The following CTNNA3 variants were observed in gnomAD, a reference collection of about 807,000 sequenced individuals.
CTNNA3 encodes the protein catenin alpha 3.
Under a neutral mutation model 95.7 loss-of-function variants are expected in CTNNA3, and 76 were observed. The observed-to-expected ratio is 0.79, with a 90% CI of 0.66 to 0.96. CTNNA3 has a LOEUF of 0.96. CTNNA3 is among the 40% of genes least tolerant of loss of function. The pLI is 0.00. For synonymous variants in CTNNA3, 431 were observed against 374.4 expected (o/e 1.15, Z -1.74); for missense variants, 1,191 against 1,089.8 (o/e 1.09, Z -1.31).
intron 7 of CTNNA3, among the ~76,000 whole-genome samples, chr10:66,840,323 A>ATCTCTCTCTCTCTCTCTC (rs71035189): frequency 4.4e-5 from 4 of 90,670 alleles, no homozygotes; most frequent in East Asian, 6.0e-4. Context: ...CCAAGAAGCC[A>ATCTCTCTCTCTCTCTCTC]TCTCTCTCTC....
chr10:67,418,220 A>G (rs1268050124), intron 5 of CTNNA3, among the ~76,000 whole-genome samples: 7 of 152,310 alleles, frequency 4.6e-5, no homozygotes, highest in South Asian at 2.1e-4. Flanking sequence ...CATATGGAAA[A>G]GTTTCAAACT....
At chr10:66,827,085 C>A (rs1028759196) in intron 7 of CTNNA3, among the ~76,000 whole-genome samples, 2 of 152,162 alleles carry the variant, frequency 1.3e-5, no homozygotes, top group Non-Finnish European at 2.9e-5. Context: ...TAAGAGACCA[C>A]AACCTCAGAA....
chr10:67,266,516 G>T (rs1336068032), intron 5 of CTNNA3, among the ~76,000 whole-genome samples: 1 of 152,054 alleles, frequency 6.6e-6, no homozygotes, highest in Non-Finnish European at 1.5e-5. Context: ...TCTAGAATAT[G>T]ATATAATCTA....
At chr10:67,145,479 G>T (rs1860796634) in intron 7 of CTNNA3, among the ~76,000 whole-genome samples, 1 of 149,766 alleles carries the variant, frequency 6.7e-6, no homozygotes, top group Non-Finnish European at 1.5e-5. Flanking sequence ...CACCCAGGCT[G>T]AAGTGCAGTG....
At chr10:67,199,029 GT>G (rs1163754333) in intron 6 of CTNNA3, among the ~76,000 whole-genome samples, 1 of 151,540 alleles carries the variant, frequency 6.6e-6, no homozygotes, top group African/African-American at 2.4e-5. Flanking sequence ...GGAGGGAGAT[GT>G]AAAAAAAATA....
intron 10 of CTNNA3, among the ~76,000 whole-genome samples, chr10:66,535,283 C>T (rs1192810023): frequency 6.6e-6 from 1 of 152,106 alleles, no homozygotes; most frequent in East Asian, 1.9e-4. Context: ...CACAGATCTG[C>T]AATTTGTAAT....
At chr10:66,688,963 CAAAA>C (rs58515946) in intron 9 of CTNNA3, among the ~76,000 whole-genome samples, 4 of 86,878 alleles carry the variant, frequency 4.6e-5, no homozygotes, top group Admixed American at 1.3e-4. Context: ...GACTCCATCT[CAAAA>C]AAAAAAAAAA....
intron 5 of CTNNA3, among the ~76,000 whole-genome samples, chr10:67,428,224 G>A (rs1469158566): frequency 6.6e-6 from 1 of 151,938 alleles, no homozygotes; most frequent in Non-Finnish European, 1.5e-5. Flanking sequence ...GGCATCCTAG[G>A]TAAGTATGAT....
At chr10:67,687,712 G>A (rs1169824367) in intron 1 of CTNNA3, among the ~76,000 whole-genome samples, 1 of 152,174 alleles carries the variant, frequency 6.6e-6, no homozygotes, top group Non-Finnish European at 1.5e-5. Flanking sequence ...TGACCCTCGA[G>A]TGGGTCGGGT....
At chr10:66,589,826 C>A (rs887960099) in intron 10 of CTNNA3, among the ~76,000 whole-genome samples, 2 of 152,062 alleles carry the variant, frequency 1.3e-5, no homozygotes, top group Non-Finnish European at 2.9e-5. Flanking sequence ...AAAGGAAGGA[C>A]CATCCCACAC....
chr10:66,549,885 C>T (rs1396096362), intron 10 of CTNNA3, among the ~76,000 whole-genome samples: 3 of 152,034 alleles, frequency 2.0e-5, no homozygotes, highest in Admixed American at 6.5e-5. Context: ...TATGGCCTGG[C>T]ATAGGATCTA....
At chr10:66,231,180 G>A (rs898368092) in intron 13 of CTNNA3, among the ~76,000 whole-genome samples, 3 of 152,146 alleles carry the variant, frequency 2.0e-5, no homozygotes, top group African/African-American at 2.4e-5. Context: ...TAGTAGGAGT[G>A]TGAGTATTCA....
intron 1 of CTNNA3, among the ~76,000 whole-genome samples, chr10:67,732,563 T>C (rs1841281730): frequency 6.6e-6 from 1 of 152,198 alleles, no homozygotes; most frequent in South Asian, 2.1e-4. Flanking sequence ...GACAAAAACA[T>C]AACCCTTCAT....
intron 11 of CTNNA3, among the ~76,000 whole-genome samples, chr10:66,406,991 A>C (rs1359198007): frequency 6.6e-6 from 1 of 152,176 alleles, no homozygotes; most frequent in Admixed American, 6.5e-5. Context: ...ACATAGAACT[A>C]ATTAATTTAC....
chr10:67,158,413 G>A (rs964787022), intron 7 of CTNNA3, among the ~76,000 whole-genome samples: 1 of 152,110 alleles, frequency 6.6e-6, no homozygotes, highest in Admixed American at 6.5e-5. Context: ...GTCAAGCTTT[G>A]ACTATTCTGG....
chr10:66,670,472 G>A (rs1307817315), intron 9 of CTNNA3, among the ~76,000 whole-genome samples: 3 of 152,034 alleles, frequency 2.0e-5, no homozygotes, highest in African/African-American at 7.2e-5. Flanking sequence ...ACTTTCCTTG[G>A]CTCAGCGTCC....
chr10:67,619,230 T>C (rs114897555), intron 2 of CTNNA3, among the ~76,000 whole-genome samples: 1,950 of 152,292 alleles, frequency 0.013, 48 homozygotes, highest in African/African-American at 0.044. Flanking sequence ...TATAAAGCTA[T>C]ATTAACCAAA....
At chr10:67,132,753 T>C (rs1014813793) in intron 7 of CTNNA3, among the ~76,000 whole-genome samples, 2 of 152,172 alleles carry the variant, frequency 1.3e-5, no homozygotes, top group South Asian at 2.1e-4. Context: ...AGGAAAATCA[T>C]GTCATTCACA....
At chr10:67,132,844 CAT>C (rs151280930) in intron 7 of CTNNA3, among the ~76,000 whole-genome samples, 314 of 152,000 alleles carry the variant, frequency 2.1e-3, no homozygotes, top group African/African-American at 7.1e-3. Flanking sequence ...CGTTCCCACT[CAT>C]ATGTGAGAGC....
Sources: gnomAD v4.1 joint callset for allele counts (sites outside exome capture counted in the v4.1 genomes callset) on GRCh38, gnomAD v4.1.1 for gene constraint, MANE v1.5 for transcripts, NCBI Gene and HGNC (gene_info 2026-07-23, HGNC 2026-07-21) for gene names.